The following LRP3 variants were observed in gnomAD, a reference collection of about 807,000 sequenced individuals.
LRP3 encodes the protein LDL receptor related protein 3.
A neutral mutation model predicts 58.5 loss-of-function variants in LRP3; 49 were observed. That is an observed-to-expected ratio of 0.84 (90% CI 0.67 to 1.06). LRP3 has a LOEUF of 1.06. LRP3 is among the 50% of genes least tolerant of loss of function. LRP3 has a pLI of 0.00. For missense variants in LRP3, 1,019 were observed against 1,134.2 expected, an observed-to-expected ratio of 0.90 and a Z score of 1.46; for synonymous variants, 485 against 492.2, an observed-to-expected ratio of 0.99 and a Z score of 0.20.
chr19:33,204,385 G>A (rs79320758), intron 3 of LRP3: 4 of 551,608 alleles, frequency 7.3e-6, no homozygotes, highest in African/African-American at 3.8e-5. Context: ...CCGCAGCAGA[G>A]CTGGAAATGA....
rs1280610594 is a variant in LRP3, at chr19:33,194,473, G to A, written c.-313G>A. The A allele has an allele frequency of 6.9e-6, 1 of 144,542 alleles. No individual in the cohort carries two copies. Among genetic ancestry groups the A allele is most frequent in the South Asian group, 2.1e-4 (1 of 4,756 alleles). 9.0% of individuals were successfully genotyped at this position (144,542 alleles called of 1,614,324 possible). ...GGGTCCCCGGGCCCAGGCCGGCCGC[G>A]GCGGGGCTCCCGGGGCGCGGGGGCA... On this transcript the variant is annotated 5_prime_UTR_variant, in exon 1 of 7. Transcript: ENST00000253193.
Position 33,196,795 on chromosome 19 carries a change from C to G in LRP3, c.121+18C>G, listed in dbSNP as rs776930614. ...TGCCTTAGGTAAGTAAGCACTTTCTCTCCTTCCTCCACTCCTTCAGTCCCT... is the reference window on the plus strand; with the variant it reads ...TGCCTTAGGTAAGTAAGCACTTTCTGTCCTTCCTCCACTCCTTCAGTCCCT... On this transcript the variant is annotated intron_variant, in intron 2 of 6. Coordinates refer to ENST00000253193, the MANE Select transcript of LRP3 (RefSeq NM_002333.4). 6.2e-7 allele frequency: 1 copy of G among 1,613,140 alleles called. No homozygotes were observed. Among genetic ancestry groups the G allele is most frequent in the Non-Finnish European group, 8.5e-7 (1 of 1,179,036 alleles).
rs771452279 is a variant in LRP3 at position 33,204,696 on chromosome 19, G to A, written c.319G>A (p.Gly107Ser). Residue 107 changes from glycine (G) to serine (S), a missense_variant, in exon 4 of 7, where the codon GGC (glycine) becomes AGC (serine). This residue lies in a region of LRP3 where 592 missense variants were observed against 725.5 expected (regional missense o/e 0.82). Transcript: ENST00000253193. ...HQCSLDWLLLGPAAPPRQEAF... is the reference protein window; with the variant it reads ...HQCSLDWLLLSPAAPPRQEAF... Reference sequence around the variant, plus strand: ...GTGCTCCCTGGACTGGCTCCTGCTGGGCCCAGCAGCCCCACCCCGCCAGGA... The same window carrying A: ...GTGCTCCCTGGACTGGCTCCTGCTGAGCCCAGCAGCCCCACCCCGCCAGGA... 6.2e-7 allele frequency: 1 copy of A among 1,609,552 alleles called. No individual in the cohort carries two copies. Among genetic ancestry groups the A allele is most frequent in the South Asian group, 1.1e-5 (1 of 91,074 alleles).
chr19:33,204,634 G>A lies in LRP3; in HGVS notation c.261-4G>A, dbSNP rs368276547. On this transcript the variant is annotated splice_region_variant and splice_polypyrimidine_tract_variant and intron_variant, in intron 3 of 6. Coordinates refer to ENST00000253193, the MANE Select transcript of LRP3 (RefSeq NM_002333.4). ...ATGTCTGGGTCCTCTCCGCCCCCCCGCAGCTTCCGCAACTTTGACGTGGAG... is the reference window on the plus strand; with the variant it reads ...ATGTCTGGGTCCTCTCCGCCCCCCCACAGCTTCCGCAACTTTGACGTGGAG... 94 of 1,600,022 alleles carry A rather than the reference G, an allele frequency of 5.9e-5. No homozygotes were observed. Among genetic ancestry groups the A allele is most frequent in the Non-Finnish European group, 7.8e-5 (92 of 1,176,056 alleles).
At position 33,205,648 on chromosome 19, in the gene LRP3, G is replaced by A. The variant is rs748410028; in HGVS notation, c.878G>A (p.Arg293Gln). The A allele has an allele frequency of 1.3e-4, 202 of 1,610,064 alleles. 1 individual carries two copies. The East Asian group carries it at 3.9e-3, about 31-fold the overall frequency. ...TWLVDTQDSR[R>Q]VLLQLELRLG... Reference sequence around the variant, plus strand: ...CTGGTGGACACACAGGACTCCCGGCGGGTGCTGCTGCAGCTGGAACTGCGG... The same window carrying A: ...CTGGTGGACACACAGGACTCCCGGCAGGTGCTGCTGCAGCTGGAACTGCGG... Residue 293 changes from arginine to glutamine, a missense_variant, in exon 5 of 7, where the codon CGG becomes CAG. Coordinates refer to ENST00000253193, the MANE Select transcript of LRP3 (RefSeq NM_002333.4).
intron 1 of LRP3, among the ~76,000 whole-genome samples, chr19:33,195,137 A>C (rs996905944): frequency 6.6e-6 from 1 of 151,994 alleles, no homozygotes; most frequent in African/African-American, 2.4e-5. Context: ...GGCAGCCTTC[A>C]ACCCGGCCCG....
chr19:33,205,307 G>A lies in LRP3; in HGVS notation c.537G>A (p.Leu179=), dbSNP rs774459413. ...TCCGCTGTGACAACGGCAAGTGCCT[G>A]CCCGGCCCGTGGCAGTGCAACACGG... The part of the protein sequence containing the change: ...DEFRCDNGKC[L]PGPWQCNTVD... Residue 179 remains leucine (L), a synonymous_variant, in exon 5 of 7, where the codon CTG becomes CTA. Coordinates refer to ENST00000253193, the MANE Select transcript of LRP3 (RefSeq NM_002333.4). 5 of 1,611,846 alleles carry A rather than the reference G, an allele frequency of 3.1e-6. No homozygotes were observed. The highest frequency in any genetic ancestry group is 8.5e-7 in the Non-Finnish European group (1 of 1,179,510).
chr19:33,194,967 G>A, intron 1 of LRP3, 109 bp downstream of exon 1: 1 of 453,834 alleles, frequency 2.2e-6, no homozygotes, highest in Non-Finnish European at 3.0e-6. Context: ...CCCCACCGCG[G>A]TGGCTCCCGC....
At chr19:33,206,863 G>T (rs1157415905) in intron 6 of LRP3, 125 bp from the exon 7 acceptor site, 6 of 1,228,676 alleles carry the variant, frequency 4.9e-6, no homozygotes, top group South Asian at 4.7e-5. Flanking sequence ...TGGCCAGGTG[G>T]GGGGGGTGGA....
At position 33,202,932 on chromosome 19, in the gene LRP3, G is replaced by A; in HGVS notation, c.206G>A (p.Gly69Asp). The stretch of plus-strand genomic sequence containing the variant: ...GCCTGGCCCCTCAACTACCCGCCAG[G>A]CACCAACTGCAGCTGGTACATCCAG... ...SPAWPLNYPP[G>D]TNCSWYIQGD... The change falls in exon 3 of 7, where the codon GGC becomes GAC. Residue 69 changes from glycine (G) to aspartate (D), a missense_variant. By Grantham distance (94) the Gly-to-Asp change is moderately conservative. Around this residue, in one of 2 missense-constraint regions of LRP3, gnomAD observed 592 missense variants for 725.5 expected, o/e 0.82. Coordinates refer to ENST00000253193, the MANE Select transcript of LRP3 (RefSeq NM_002333.4). 6.2e-7 allele frequency: 1 copy of A among 1,612,428 alleles called. No individual in the cohort carries two copies. Among genetic ancestry groups the A allele is most frequent in the Non-Finnish European group, 8.5e-7 (1 of 1,179,434 alleles).
intron 2 of LRP3, among the ~76,000 whole-genome samples, chr19:33,200,215 C>A (rs1181527719): frequency 1.3e-5 from 2 of 152,160 alleles, no homozygotes; most frequent in East Asian, 1.9e-4. Context: ...AAGATCTCTT[C>A]TTTTGGATTT....
chr19:33,204,532 G>A lies in LRP3; in HGVS notation c.261-106G>A, dbSNP rs1282781655. ...AGTGGGGGCAGCCGGCCGGGACAGG[G>A]CTGGCTGTCCTGGCCGTGGCTCCAG... On this transcript the variant is annotated intron_variant, in intron 3 of 6. Transcript: ENST00000253193. 5 of 797,022 alleles carry A rather than the reference G, an allele frequency of 6.3e-6. No homozygotes were observed. In the East Asian group the frequency reaches 1.2e-4, roughly 20 times the overall value. 49.4% of individuals were successfully genotyped at this position (797,022 alleles called of 1,614,324 possible).
Position 33,194,827 on chromosome 19 carries a change from C to T in LRP3, c.42C>T (p.Gly14=), listed in dbSNP as rs1974268278. The change falls in exon 1 of 7, where the codon GGC becomes GGT. Residue 14 remains glycine, a synonymous_variant. Transcript: ENST00000253193. ...CCGCGGGGCTGGAGGGCGCGCCGGG[C>T]GCCCGGGCGCAGCTGGCCGTCGTCT... ...RAAAGLEGAP[G]ARAQLAVVCL... 9.2e-7 allele frequency: 1 copy of T among 1,090,228 alleles called. No homozygotes were observed. The highest frequency in any genetic ancestry group is 1.1e-6 in the Non-Finnish European group (1 of 899,668). The allele number at this position is 1,090,228 out of a possible 1,614,324, so 67.5% of individuals were successfully genotyped here. A position where few individuals can be genotyped will look rare whatever the true frequency, so the allele number is the denominator to read the frequency against.
chr19:33,202,736 C>A, intron 2 of LRP3, 112 bp from the exon 3 acceptor site: 1 of 1,284,452 alleles, frequency 7.8e-7, no homozygotes. Context: ...CCACCCTTGG[C>A]TGGACTCGAT....
At position 33,207,108 on chromosome 19, in the gene LRP3, C is replaced by T. The variant is rs372516703; in HGVS notation, c.1846C>T (p.Arg616Trp). Reference protein sequence around the residue: ...RLWNRLFHRPRAPRGQIPLLT... With the variant: ...RLWNRLFHRPWAPRGQIPLLT... ...CTGGAACCGGCTCTTTCACCGGCCG[C>T]GGGCGCCCCGAGGCCAGATCCCACT... is the stretch of plus-strand genomic sequence containing the variant. The change falls in exon 7 of 7, where the codon CGG (arginine) becomes TGG (tryptophan). Residue 616 changes from arginine to tryptophan, a missense_variant. By Grantham distance (101) the Arg-to-Trp change is moderately radical (BLOSUM62 -3). Around this residue, in one of 2 missense-constraint regions of LRP3, gnomAD observed 427 missense variants for 408.6 expected, o/e 1.04. Transcript: ENST00000253193. The T allele has an allele frequency of 8.1e-4, 1,238 of 1,526,052 alleles. 18 individuals are homozygous for T. The highest frequency in any genetic ancestry group is 3.6e-4 in the Middle Eastern group (2 of 5,604). 94.5% of individuals were successfully genotyped at this position (1,526,052 alleles called of 1,614,324 possible).
At position 33,202,899 on chromosome 19, in the gene LRP3, A is replaced by G. The variant is rs956998287; in HGVS notation, c.173A>G (p.Tyr58Cys). ...CACACGGAGCGGCGTGGGGTCATCT[A>G]CAGCCCGGCCTGGCCCCTCAACTAC... ...EQHTERRGVI[Y>C]SPAWPLNYPP... Residue 58 changes from tyrosine to cysteine, a missense_variant, in exon 3 of 7, where the codon TAC becomes TGC. Tyr to Cys is a radical substitution (Grantham distance 194). Transcript: ENST00000253193. 1 of 1,611,618 alleles carries G rather than the reference A, an allele frequency of 6.2e-7. No homozygotes were observed. Among genetic ancestry groups the G allele is most frequent in the Non-Finnish European group, 8.5e-7 (1 of 1,179,110 alleles).
chr19:33,198,805 C>A (rs1193302019), intron 2 of LRP3, among the ~76,000 whole-genome samples: 1 of 152,226 alleles, frequency 6.6e-6, no homozygotes, highest in Non-Finnish European at 1.5e-5. Flanking sequence ...TTGCAGGCAG[C>A]TGGCAGCTTC....
rs1473795014 is a variant in LRP3 at position 33,207,370 on chromosome 19, G to T, written c.2108G>T (p.Cys703Phe). The change falls in exon 7 of 7, where the codon TGC (cysteine) becomes TTC (phenylalanine). Residue 703 changes from cysteine to phenylalanine, a missense_variant. By Grantham distance (205) the Cys-to-Phe change is radical. Transcript: ENST00000253193. ...CCCGTGGACAAGGACAGAAAGGTCT[G>T]CAGGGAGCCACTGGTAGACGGCCCA... The part of the protein sequence containing the change: ...CRPVDKDRKV[C>F]REPLVDGPAP... 6.3e-7 allele frequency: 1 copy of T among 1,586,850 alleles called. No individual in the cohort carries two copies. The highest frequency in any genetic ancestry group is 8.5e-7 in the Non-Finnish European group (1 of 1,172,510).
At chr19:33,194,915 G>A in intron 1 of LRP3, 57 bp downstream of exon 1, 2 of 927,522 alleles carry the variant, frequency 2.2e-6, no homozygotes, top group Non-Finnish European at 2.7e-6. Flanking sequence ...AGTCCGCGCC[G>A]CGCCCTGACC....
Sources: gnomAD v4.1 joint callset for allele counts (sites outside exome capture counted in the v4.1 genomes callset) on GRCh38, gnomAD v4.1.1 for gene constraint, gnomAD v4.1.1 regional missense constraint, MANE v1.5 for transcripts, NCBI Gene and HGNC (gene_info 2026-07-23, HGNC 2026-07-21) for gene names.